Variants in DIS3L2 observed in about 807,000 individuals in gnomAD.
DIS3L2 encodes the protein DIS3-like exonuclease 2.
Under a neutral mutation model 97.5 loss-of-function variants are expected in DIS3L2, and 34 were observed. The observed-to-expected ratio is 0.35, with a 90% CI of 0.27 to 0.46. The LOEUF is 0.46. DIS3L2 is among the 20% of genes least tolerant of loss of function. The pLI, the probability that DIS3L2 is intolerant of heterozygous loss-of-function variation, is 1.00. For missense variants in DIS3L2, 1,038 were observed against 1,146.0 expected (o/e 0.91, Z 1.36); for synonymous variants, 435 against 445.2 (o/e 0.98, Z 0.29).
chr2:232,166,647 C>T (rs1423458702), intron 9 of DIS3L2, among the ~76,000 whole-genome samples: 3 of 151,980 alleles, frequency 2.0e-5, no homozygotes, highest in Non-Finnish European at 4.4e-5. Flanking sequence ...ACCCGGGAGG[C>T]GGAGGTTGCA....
intron 1 of DIS3L2, among the ~76,000 whole-genome samples, chr2:232,012,709 A>G (rs912369610): frequency 1.3e-5 from 2 of 151,696 alleles, no homozygotes; most frequent in Non-Finnish European, 2.9e-5. Flanking sequence ...ACTTCTTTAC[A>G]TTTCCTAAAA....
At chr2:232,341,000 G>C (rs367616917), downstream of DIS3L2, 1 of 461,606 alleles carries the variant, frequency 2.2e-6, no homozygotes, top group East Asian at 7.0e-5. Context: ...ATCGTGAAAC[G>C]AGAGGAGGTT....
intron 9 of DIS3L2, among the ~76,000 whole-genome samples, chr2:232,204,739 C>G (rs1167698008): frequency 6.6e-6 from 1 of 152,180 alleles, no homozygotes; most frequent in Non-Finnish European, 1.5e-5. Context: ...AGCATGTTAA[C>G]TGAGTGTAAC....
At chr2:232,317,563 G>A (rs1158403597) in intron 14 of DIS3L2, among the ~76,000 whole-genome samples, 1 of 151,868 alleles carries the variant, frequency 6.6e-6, no homozygotes, top group Non-Finnish European at 1.5e-5. Context: ...CAGCCTCCCG[G>A]GTAGCTGGGA....
chr2:232,018,720 GGAGTA>G (rs1694424072), intron 3 of DIS3L2, among the ~76,000 whole-genome samples: 1 of 151,732 alleles, frequency 6.6e-6, no homozygotes, highest in African/African-American at 2.4e-5. Context: ...AAAAAAAACA[GGAGTA>G]GAGTATTTTT....
intron 9 of DIS3L2, among the ~76,000 whole-genome samples, chr2:232,175,126 C>A (rs1377301151): frequency 6.6e-6 from 1 of 152,064 alleles, no homozygotes; most frequent in East Asian, 1.9e-4. Context: ...AAGCACTCAG[C>A]CCAGTCTTTC....
intron 8 of DIS3L2, among the ~76,000 whole-genome samples, chr2:232,156,329 C>G (rs891162127): frequency 6.6e-6 from 1 of 152,118 alleles, no homozygotes; most frequent in Non-Finnish European, 1.5e-5. Flanking sequence ...CTTACTTATT[C>G]CTTATGCACT....
chr2:232,089,685 G>C (rs1696779935), intron 6 of DIS3L2, among the ~76,000 whole-genome samples: 1 of 152,176 alleles, frequency 6.6e-6, no homozygotes, highest in East Asian at 1.9e-4. Flanking sequence ...ACCCAGCTCT[G>C]GTGATAGGCT....
At chr2:232,331,575 C>T (rs1333147192) in intron 16 of DIS3L2, 3 of 152,228 alleles carry the variant, frequency 2.0e-5, no homozygotes, top group East Asian at 1.9e-4. Flanking sequence ...GACCTGCCCC[C>T]AGTCACAAGT....
intron 14 of DIS3L2, among the ~76,000 whole-genome samples, chr2:232,316,550 G>A (rs548346219): frequency 2.0e-5 from 3 of 152,122 alleles, no homozygotes; most frequent in African/African-American, 4.8e-5. Flanking sequence ...TGAGGAAGCC[G>A]AGGCAAGCTG....
chr2:232,223,320 T>C (rs1692555904), intron 10 of DIS3L2, among the ~76,000 whole-genome samples: 1 of 152,228 alleles, frequency 6.6e-6, no homozygotes, highest in Admixed American at 6.5e-5. Flanking sequence ...GGTTCTTGTC[T>C]CATCTTTGCC....
intron 5 of DIS3L2, among the ~76,000 whole-genome samples, chr2:232,067,740 C>G (rs980229625): frequency 1.2e-4 from 19 of 152,048 alleles, no homozygotes; most frequent in Non-Finnish European, 1.5e-5. Flanking sequence ...TTGTTTATGT[C>G]TCCTTTTACT....
chr2:232,001,557 C>CTTTTTTTTTTTTTTTTTTTTTTTTTG (rs57766848), intron 1 of DIS3L2, among the ~76,000 whole-genome samples: 1 of 61,920 alleles, frequency 1.6e-5, no homozygotes, highest in African/African-American at 8.7e-5. Flanking sequence ...TGCCATTTGT[C>CTTTTTTTTTTTTTTTTTTTTTTTTTG]TTTTTTTTTT....
intron 12 of DIS3L2, among the ~76,000 whole-genome samples, chr2:232,250,007 C>T (rs1693375473): frequency 6.6e-6 from 1 of 152,098 alleles, no homozygotes; most frequent in Non-Finnish European, 1.5e-5. Flanking sequence ...TGCCTGTCGT[C>T]GGGATGTGCC....
rs59088969 is a variant in DIS3L2, at chr2:231,989,339, T to TTGTGTGTGTGTGTGTG, written c.-93-25476_-93-25461dup. ...TTTAAAAATGTATGTGTCAGTATAATTGTGTGTGTGTGTGTGTGTGTGTGT... is the reference window on the plus strand; with the variant it reads ...TTTAAAAATGTATGTGTCAGTATAATTGTGTGTGTGTGTGTGTGTGTGTGTGTGTGTGTGTGTGTGT... On this transcript the variant is annotated intron_variant, in intron 1 of 20. Transcript: ENST00000325385. Among the ~76,000 whole-genome samples, 14 of 146,798 alleles carry TTGTGTGTGTGTGTGTG rather than the reference T, an allele frequency of 9.5e-5. No homozygotes were observed. In the South Asian group the frequency reaches 1.3e-3, roughly 14 times the overall value.
chr2:232,148,963 G>A (rs58010956), intron 8 of DIS3L2, among the ~76,000 whole-genome samples: 2,955 of 147,296 alleles, frequency 0.02, 89 homozygotes, highest in African/African-American at 0.07. Flanking sequence ...CCATCTTTTA[G>A]TATTGACACT....
At chr2:232,062,976 CAGTG>C (rs930088384) in intron 5 of DIS3L2, among the ~76,000 whole-genome samples, 36 of 152,082 alleles carry the variant, frequency 2.4e-4, no homozygotes, top group African/African-American at 8.2e-4. Context: ...CTTTCTTTGA[CAGTG>C]AGAAACCTGG....
intron 14 of DIS3L2, among the ~76,000 whole-genome samples, chr2:232,320,666 G>A (rs1297914003): frequency 6.6e-6 from 1 of 152,186 alleles, no homozygotes; most frequent in Non-Finnish European, 1.5e-5. Flanking sequence ...ATTACTAGGG[G>A]GCTGTGCTTC....
intron 4 of DIS3L2, among the ~76,000 whole-genome samples, chr2:232,029,151 T>G (rs1461300019): frequency 2.0e-5 from 3 of 152,230 alleles, no homozygotes; most frequent in Non-Finnish European, 4.4e-5. Flanking sequence ...CAGACTCTTT[T>G]GCTGTCACCT....
Sources: gnomAD v4.1 joint callset for allele counts (sites outside exome capture counted in the v4.1 genomes callset) on GRCh38, gnomAD v4.1.1 for gene constraint, MANE v1.5 for transcripts, NCBI Gene and HGNC (gene_info 2026-07-23, HGNC 2026-07-21) for gene names.